Variants in GPM6A observed in about 807,000 individuals in gnomAD.
The protein encoded by GPM6A is neuronal membrane glycoprotein M6-a.
In GPM6A, 7 loss-of-function variants were observed where a neutral mutation model predicts 32.1. The observed-to-expected ratio is 0.22, with a 90% confidence interval of 0.12 to 0.41. The LOEUF (loss-of-function observed/expected upper bound fraction) is 0.41. Ranked by LOEUF, GPM6A falls within the 10% of genes least tolerant of loss-of-function variation. The pLI, the probability that GPM6A is intolerant of heterozygous loss-of-function variation, is 1.00. For missense variants in GPM6A, 235 were observed against 347.2 expected, an observed-to-expected ratio of 0.68 and a Z score of 2.57; for synonymous variants, 130 against 123.4, an observed-to-expected ratio of 1.05 and a Z score of -0.35.
intron 1 of GPM6A, among the ~76,000 whole-genome samples, chr4:175,905,816 T>C (rs1014988869): frequency 2.6e-5 from 4 of 152,176 alleles, no homozygotes; most frequent in African/African-American, 9.7e-5. Flanking sequence ...CATGCTTTCC[T>C]TTAATTGTGA....
At chr4:175,792,166 G>A (rs1734036773) in intron 1 of GPM6A, among the ~76,000 whole-genome samples, 1 of 152,006 alleles carries the variant, frequency 6.6e-6, no homozygotes, top group South Asian at 2.1e-4. Flanking sequence ...ACTCATATGT[G>A]CTAAAAAATT....
intron 1 of GPM6A, among the ~76,000 whole-genome samples, chr4:175,755,150 T>C (rs957479280): frequency 2.6e-5 from 4 of 151,970 alleles, no homozygotes; most frequent in African/African-American, 9.7e-5. Flanking sequence ...CATAACAACA[T>C]ACAGACCCAA....
At chr4:175,678,724 A>T (rs1743515330) in intron 2 of GPM6A, among the ~76,000 whole-genome samples, 1 of 152,212 alleles carries the variant, frequency 6.6e-6, no homozygotes, top group Non-Finnish European at 1.5e-5. Context: ...GAGGATGTCA[A>T]CTTACAGATC....
At chr4:175,793,214 T>G (rs1734080012) in intron 1 of GPM6A, among the ~76,000 whole-genome samples, 1 of 152,154 alleles carries the variant, frequency 6.6e-6, no homozygotes. Context: ...CTGAAAGATG[T>G]TCTATGGCTT....
chr4:175,831,679 C>G (rs1045610993), intron 1 of GPM6A, among the ~76,000 whole-genome samples: 39 of 143,756 alleles, frequency 2.7e-4, no homozygotes, highest in Non-Finnish European at 4.7e-4. Flanking sequence ...TCTCAAAGGT[C>G]ACAAATAGAA....
At chr4:175,980,387 G>C (rs893792397) in intron 1 of GPM6A, among the ~76,000 whole-genome samples, 2 of 152,084 alleles carry the variant, frequency 1.3e-5, no homozygotes, top group African/African-American at 4.8e-5. Flanking sequence ...AAACCTTGAG[G>C]CCTCACCGTA....
intron 1 of GPM6A, among the ~76,000 whole-genome samples, chr4:175,774,123 C>G (rs1019936306): frequency 9.2e-5 from 14 of 152,024 alleles, no homozygotes; most frequent in Non-Finnish European, 1.6e-4. Context: ...GACCACTGTT[C>G]TGTTAATATT....
chr4:175,875,119 T>C (rs868169612), intron 1 of GPM6A, among the ~76,000 whole-genome samples: 3 of 152,136 alleles, frequency 2.0e-5, no homozygotes, highest in African/African-American at 7.2e-5. Flanking sequence ...TCCTGGGACT[T>C]TGAACCTTGA....
chr4:175,972,387 CTT>C (rs922923446), intron 1 of GPM6A, among the ~76,000 whole-genome samples: 10 of 152,250 alleles, frequency 6.6e-5, no homozygotes, highest in African/African-American at 2.4e-4. Flanking sequence ...TCTAAAGAGA[CTT>C]ATAGATAAAA....
At chr4:175,829,752 A>G (rs1735553091) in intron 1 of GPM6A, among the ~76,000 whole-genome samples, 1 of 148,204 alleles carries the variant, frequency 6.7e-6, no homozygotes, top group Non-Finnish European at 1.5e-5. Flanking sequence ...ATATATAGAT[A>G]TATATATCTT....
At chr4:175,669,891 G>A (rs781476070) in intron 3 of GPM6A, among the ~76,000 whole-genome samples, 56 of 152,236 alleles carry the variant, frequency 3.7e-4, no homozygotes, top group Non-Finnish European at 6.8e-4. Context: ...TCATATGAAT[G>A]TGAAGGCAGT....
chr4:175,720,633 T>G (rs537853260), intron 1 of GPM6A, among the ~76,000 whole-genome samples: 1 of 152,200 alleles, frequency 6.6e-6, no homozygotes, highest in Admixed American at 6.5e-5. Flanking sequence ...GACACAGCAC[T>G]GAAGAACCCC....
chr4:175,645,435 T>C (rs1741400157), intron 4 of GPM6A, among the ~76,000 whole-genome samples: 1 of 151,758 alleles, frequency 6.6e-6, no homozygotes, highest in Non-Finnish European at 1.5e-5. Context: ...TTAAGAAAAT[T>C]GTAGGCCGGG....
In GPM6A at chr4:175,987,744, T is replaced by C. The variant is rs146233530; in HGVS notation, c.-23+14565A>G. Among the ~76,000 whole-genome samples, 9 of 152,264 alleles carry C rather than the reference T, an allele frequency of 5.9e-5. No homozygotes were observed. The East Asian group carries it at 1.7e-3, about 29-fold the overall frequency. ...AGTGGATCTAGAAGTTGAGAACAGA[T>C]GGTTCTAAATCAAAAATTGCCATGA... is the stretch of plus-strand genomic sequence containing the variant. On this transcript the variant is annotated intron_variant, in intron 1 of 7. Coordinates refer to the GPM6A transcript ENST00000280187.
intron 1 of GPM6A, among the ~76,000 whole-genome samples, chr4:175,911,246 G>A (rs1000695228): frequency 6.6e-6 from 1 of 151,958 alleles, no homozygotes; most frequent in Non-Finnish European, 1.5e-5. Context: ...ACCAGTTTTG[G>A]GGGCAGATGA....
chr4:175,996,522 A>T (rs1306952815), intron 1 of GPM6A, among the ~76,000 whole-genome samples: 1 of 152,208 alleles, frequency 6.6e-6, no homozygotes, highest in Non-Finnish European at 1.5e-5. Context: ...AATAAAATGA[A>T]CAGTACCCTA....
At chr4:175,829,341 T>C (rs943455693) in intron 1 of GPM6A, among the ~76,000 whole-genome samples, 1 of 152,170 alleles carries the variant, frequency 6.6e-6, no homozygotes, top group African/African-American at 2.4e-5. Flanking sequence ...AGTTGAAAGA[T>C]TATTTAGTAA....
intron 1 of GPM6A, among the ~76,000 whole-genome samples, chr4:175,772,769 C>A (rs976822923): frequency 1.3e-5 from 2 of 152,120 alleles, no homozygotes; most frequent in Non-Finnish European, 2.9e-5. Context: ...TTTCTACCTA[C>A]ATTTTTTACA....
At chr4:175,773,047 T>C (rs1733253619) in intron 1 of GPM6A, among the ~76,000 whole-genome samples, 1 of 152,226 alleles carries the variant, frequency 6.6e-6, no homozygotes, top group Non-Finnish European at 1.5e-5. Context: ...TTGTGTAATC[T>C]TCATTTTGAA....
Sources: gnomAD v4.1 joint callset for allele counts (sites outside exome capture counted in the v4.1 genomes callset) on GRCh38, gnomAD v4.1.1 for gene constraint, MANE v1.5 for transcripts, NCBI Gene and HGNC (gene_info 2026-07-23, HGNC 2026-07-21) for gene names.